The following CTNS variants were observed in gnomAD, a reference collection of about 807,000 sequenced individuals.
CTNS encodes the protein cystinosin, lysosomal cystine transporter, also known as cystinosin.
CTNS carries 27 observed loss-of-function variants against 43.7 expected under a neutral mutation model. The observed-to-expected ratio is 0.62, with a 90% CI of 0.46 to 0.85. CTNS has a LOEUF of 0.85. Ranked by LOEUF, CTNS falls within the 40% of genes least tolerant of loss-of-function variation. The pLI is 0.00. For missense variants in CTNS, 457 were observed against 475.4 expected, an observed-to-expected ratio of 0.96 and a Z score of 0.36; for synonymous variants, 187 against 190.6, an observed-to-expected ratio of 0.98 and a Z score of 0.16.
intron 9 of CTNS, 180 bp from the exon 10 acceptor site, chr17:3,657,825 T>C: frequency 1.5e-6 from 1 of 652,470 alleles, no homozygotes. Flanking sequence ...TGATGCTTTC[T>C]GTGGTCCACA....
chr17:3,638,066 G>T (rs1237718015), intron 2 of CTNS, among the ~76,000 whole-genome samples: 2 of 152,164 alleles, frequency 1.3e-5, no homozygotes, highest in African/African-American at 2.4e-5. Context: ...GACTGAATGG[G>T]TGAGGAGCCT....
In CTNS at chr17:3,661,766, C is replaced by T. The variant is rs886052878; in HGVS notation, c.*1397C>T. Among the ~76,000 whole-genome samples, 1 of 152,186 alleles carries T rather than the reference C, an allele frequency of 6.6e-6. No homozygotes were observed. The highest frequency in any genetic ancestry group is 1.5e-5 in the Non-Finnish European group (1 of 68,040). On this transcript the variant is annotated 3_prime_UTR_variant, in exon 12 of 12. Coordinates refer to ENST00000046640, the MANE Select transcript of CTNS (RefSeq NM_004937.3). ...CCGTGTCTTCACGGTTACCAGGGCA[C>T]GCCACTCAATCTGGATGTGAGCCGG...
At position 3,662,706 on chromosome 17, in the gene CTNS, G is replaced by A. The variant is rs1392902123; in HGVS notation, c.*2337G>A. On this transcript the variant is annotated 3_prime_UTR_variant, in exon 12 of 12. Coordinates refer to ENST00000046640, the MANE Select transcript of CTNS (RefSeq NM_004937.3). ...CAGACACTCCCACAGATGTGGTTCT[G>A]GTCAGGCGCAGTGCAGCTGCTGCGG... Among the ~76,000 whole-genome samples, 11 of 152,036 alleles carry A rather than the reference G, an allele frequency of 7.2e-5. No individual in the cohort carries two copies.
In CTNS at chr17:3,655,037, G is replaced by T; in HGVS notation, c.265G>T (p.Val89Leu). 1 of 1,614,118 alleles carries T rather than the reference G, an allele frequency of 6.2e-7. No homozygotes were observed. Among genetic ancestry groups the T allele is most frequent in the South Asian group, 1.1e-5 (1 of 91,082 alleles). Reference protein sequence around the residue: ...PPGVTNSSFQVTSQNVGQLTV... With the variant: ...PPGVTNSSFQLTSQNVGQLTV... ...TGGAGTGACAAACTCCTCTTTTCAA[G>T]TGACATCTCAAAATGTTGGACAACT... The change falls in exon 6 of 12, where the codon GTG becomes TTG. Residue 89 changes from valine to leucine, a missense_variant. Physicochemically the swap from Val to Leu is conservative, Grantham distance 32 (BLOSUM62 1). Coordinates refer to ENST00000046640, the MANE Select transcript of CTNS (RefSeq NM_004937.3).
rs2076284643 is a variant in CTNS at position 3,661,999 on chromosome 17, A to G, written c.*1630A>G. ...GTGTTACTGGGTGCCCTACTTTAAA[A>G]ATCAGAGATTTCAAATGATTGACTT... On this transcript the variant is annotated 3_prime_UTR_variant, in exon 12 of 12. Coordinates refer to ENST00000046640, the MANE Select transcript of CTNS (RefSeq NM_004937.3). 6.6e-6 allele frequency among the ~76,000 whole-genome samples: 1 copy of G among 152,162 alleles called. No homozygotes were observed. The highest frequency in any genetic ancestry group is 1.5e-5 in the Non-Finnish European group (1 of 68,030).
At chr17:3,658,376 C>T (rs994014174) in intron 10 of CTNS, among the ~76,000 whole-genome samples, 6 of 152,176 alleles carry the variant, frequency 3.9e-5, no homozygotes, top group East Asian at 3.9e-4. Context: ...CACAGGAGAT[C>T]GCTAGCGGAG....
chr17:3,639,949 T>C (rs982633895), intron 2 of CTNS, among the ~76,000 whole-genome samples: 133 of 152,160 alleles, frequency 8.7e-4, no homozygotes, highest in African/African-American at 3.1e-3. Flanking sequence ...GTTCACTTCC[T>C]CAGGGGGGCA....
intron 3 of CTNS, among the ~76,000 whole-genome samples, chr17:3,644,196 C>T (rs1343107584): frequency 6.6e-6 from 1 of 152,194 alleles, no homozygotes; most frequent in African/African-American, 2.4e-5. Context: ...ACAAACATTG[C>T]TACATTGTAT....
At chr17:3,647,899 T>C (rs1367984639) in intron 4 of CTNS, among the ~76,000 whole-genome samples, 1 of 152,232 alleles carries the variant, frequency 6.6e-6, no homozygotes. Flanking sequence ...AGCTGCTGGT[T>C]GGCACTTCTG....
chr17:3,655,843 C>T (rs2076118275), intron 7 of CTNS: 1 of 252,490 alleles, frequency 4.0e-6, no homozygotes. Context: ...CCTCCTGACT[C>T]CCCTCTGGAG....
chr17:3,660,806 CGTGGCCAGTGAACTCAGAGGTGCTG>C lies in CTNS; in HGVS notation c.*442_*466del. On this transcript the variant is annotated 3_prime_UTR_variant, in exon 12 of 12. Coordinates refer to ENST00000046640, the MANE Select transcript of CTNS (RefSeq NM_004937.3). ...TCCCAGAGATCAAGCAGCCCGGTGC[CGTGGCCAGTGAACTCAGAGGTGCTG>C]GTGGACGGGCTAGGACTTTGGGGTT... The C allele has an allele frequency of 6.2e-7, 1 of 1,602,880 alleles. No homozygotes were observed. The highest frequency in any genetic ancestry group is 8.5e-7 in the Non-Finnish European group (1 of 1,175,742).
At chr17:3,647,419 A>G (rs754822084) in intron 3 of CTNS, 25 bp from the exon 4 acceptor site, 9 of 1,606,392 alleles carry the variant, frequency 5.6e-6, no homozygotes, top group Admixed American at 1.7e-5. Flanking sequence ...CCAGTGCCTC[A>G]TGTCATTGAT....
chr17:3,651,377 C>T (rs958664711), intron 5 of CTNS, among the ~76,000 whole-genome samples: 118 of 152,202 alleles, frequency 7.8e-4, no homozygotes, highest in African/African-American at 2.3e-3. Flanking sequence ...TTACAGGAGC[C>T]ACCACGCCTG....
chr17:3,655,501 G>T, intron 7 of CTNS, 149 bp downstream of exon 7: 2 of 1,192,124 alleles, frequency 1.7e-6, no homozygotes, highest in Non-Finnish European at 2.4e-6. Flanking sequence ...GCGAAGGCTC[G>T]GAGAGCCTGG....
At chr17:3,656,957 A>G in intron 9 of CTNS, 162 bp downstream of exon 9, 1 of 1,143,836 alleles carries the variant, frequency 8.7e-7, no homozygotes. Context: ...CCAGGCCCTC[A>G]GAGCCCCCCA....
At chr17:3,637,677 G>C (rs956910551) in intron 2 of CTNS, among the ~76,000 whole-genome samples, 8 of 152,020 alleles carry the variant, frequency 5.3e-5, no homozygotes, top group Non-Finnish European at 7.4e-5. Context: ...ATGTTGGCCA[G>C]GCTGGTCTCG....
intron 10 of CTNS, among the ~76,000 whole-genome samples, chr17:3,658,952 G>A (rs1436299804): frequency 1.3e-5 from 2 of 150,726 alleles, no homozygotes; most frequent in Non-Finnish European, 3.0e-5. Flanking sequence ...GGGAAGCTGG[G>A]GTCAGGTCCC....
intron 11 of CTNS, 44 bp downstream of exon 11, chr17:3,660,019 T>A (rs2142981898): frequency 6.5e-7 from 1 of 1,548,228 alleles, no homozygotes; most frequent in Non-Finnish European, 8.9e-7. Context: ...GGCTGGGGCA[T>A]CGGGCGGGGC....
chr17:3,642,068 TGTGTGTGTGTGTGTGCCTGGGC>T (rs2075728065), intron 3 of CTNS, among the ~76,000 whole-genome samples: 1 of 140,324 alleles, frequency 7.1e-6, no homozygotes, highest in South Asian at 2.2e-4. Flanking sequence ...CCCGGGCGTG[TGTGTGTGTGTGTGTGCCTGGGC>T]GTGTGTGTGT....
Sources: allele counts gnomAD v4.1 joint callset (sites outside exome capture counted in the v4.1 genomes callset), GRCh38; gene constraint gnomAD v4.1.1; transcripts MANE v1.5; gene names NCBI Gene and HGNC (gene_info 2026-07-23, HGNC 2026-07-21).